GHR: variants seen among roughly 807,000 people sequenced by gnomAD.
GHR encodes growth hormone receptor, also known as GH receptor.
Under a neutral mutation model 67.1 loss-of-function variants are expected in GHR, and 35 were observed. The observed-to-expected ratio is 0.52, with a 90% confidence interval of 0.40 to 0.69. The LOEUF (loss-of-function observed/expected upper bound fraction) is 0.69. Ranked by LOEUF, GHR falls within the 30% of genes least tolerant of loss-of-function variation. The probability of loss-of-function intolerance (pLI) is 0.00; values close to 1 mark genes in which losing one functional copy is unlikely to be tolerated. For missense variants in GHR, 792 were observed against 764.6 expected, an observed-to-expected ratio of 1.04 and a Z score of -0.42; for synonymous variants, 272 against 269.1, an observed-to-expected ratio of 1.01 and a Z score of -0.10.
At chr5:42,670,339 T>A (rs1462298048) in intron 3 of GHR, among the ~76,000 whole-genome samples, 1 of 152,106 alleles carries the variant, frequency 6.6e-6, no homozygotes, top group African/African-American at 2.4e-5. Context: ...TGAAATTAGA[T>A]CCTTATCTCA....
At chr5:42,486,564 T>C (rs142923740) in intron 1 of GHR, among the ~76,000 whole-genome samples, 1 of 152,168 alleles carries the variant, frequency 6.6e-6, no homozygotes, top group African/African-American at 2.4e-5. Context: ...GAAACCAAGT[T>C]TGGCCGGGCA....
chr5:42,556,715 A>AAGTGAATCAAGCTT lies in GHR; in HGVS notation c.-11-9143_-11-9130dup, dbSNP rs553895940. Among the ~76,000 whole-genome samples, 400 of 152,334 alleles carry AAGTGAATCAAGCTT rather than the reference A, an allele frequency of 2.6e-3. 1 individual carries two copies. The highest frequency in any genetic ancestry group is 4.3e-3 in the Non-Finnish European group (291 of 68,024). ...TGCATTGTGAATCCGTTAGTGCACCAAGTGAATCAAGCTTAGTGAGTTGAC... is the reference window on the plus strand; with the variant it reads ...TGCATTGTGAATCCGTTAGTGCACCAAGTGAATCAAGCTTAGTGAATCAAGCTTAGTGAGTTGAC... On this transcript the variant is annotated intron_variant, in intron 1 of 9. Coordinates refer to ENST00000230882, the MANE Select transcript of GHR (RefSeq NM_000163.5).
intron 3 of GHR, among the ~76,000 whole-genome samples, chr5:42,633,585 C>G (rs568175172): frequency 6.6e-6 from 1 of 152,232 alleles, no homozygotes; most frequent in South Asian, 2.1e-4. Flanking sequence ...CTATTTTTCC[C>G]TATTCCAAGC....
At chr5:42,433,550 A>G (rs1208161487) in intron 1 of GHR, among the ~76,000 whole-genome samples, 1 of 152,098 alleles carries the variant, frequency 6.6e-6, no homozygotes, top group Non-Finnish European at 1.5e-5. Flanking sequence ...AGGCAACACT[A>G]TTAATGTACA....
intron 2 of GHR, among the ~76,000 whole-genome samples, chr5:42,613,259 T>C (rs919005515): frequency 2.6e-5 from 4 of 152,114 alleles, no homozygotes; most frequent in African/African-American, 9.7e-5. Context: ...AGACAATGTG[T>C]TGGGTCCTCT....
chr5:42,556,862 C>T (rs149283692), intron 1 of GHR, among the ~76,000 whole-genome samples: 35 of 152,288 alleles, frequency 2.3e-4, no homozygotes, highest in Admixed American at 1.0e-3. Flanking sequence ...ATACCAATAT[C>T]GGAGTATGGC....
intron 1 of GHR, among the ~76,000 whole-genome samples, chr5:42,460,485 C>T (rs1744442113): frequency 6.6e-6 from 1 of 152,180 alleles, no homozygotes. Context: ...GCTTATCATA[C>T]TGCTGATCCA....
Position 42,688,936 on chromosome 5 carries a change from A to T in GHR, c.183A>T (p.Arg61=), listed in dbSNP as rs1240178851. The part of the protein sequence containing the change: ...PKFTKCRSPE[R]ETFSCHWTDE... ...TCACCAAGTGCCGTTCACCTGAGCG[A>T]GAGACTTTTTCATGCCACTGGACAG... Residue 61 remains arginine, a synonymous_variant, in exon 4 of 10, where the codon CGA becomes CGT. Transcript: ENST00000230882. 8 of 1,613,448 alleles carry T rather than the reference A, an allele frequency of 5.0e-6. No individual in the cohort carries two copies. The South Asian group carries it at 7.7e-5, about 16-fold the overall frequency.
intron 3 of GHR, among the ~76,000 whole-genome samples, chr5:42,669,346 A>G (rs1176960454): frequency 2.6e-5 from 4 of 152,234 alleles, no homozygotes; most frequent in Non-Finnish European, 5.9e-5. Context: ...ATGCAAAAGT[A>G]TATTATCATC....
chr5:42,493,000 G>C (rs903757098), intron 1 of GHR, among the ~76,000 whole-genome samples: 1 of 152,220 alleles, frequency 6.6e-6, no homozygotes, highest in Non-Finnish European at 1.5e-5. Context: ...ACAGGAATGT[G>C]TAATGGGAAG....
intron 6 of GHR, among the ~76,000 whole-genome samples, chr5:42,707,588 G>A (rs1758238954): frequency 6.6e-6 from 1 of 152,070 alleles, no homozygotes; most frequent in East Asian, 1.9e-4. Context: ...TAATCCATAA[G>A]CATGGAATGT....
At chr5:42,666,439 A>T (rs1755982004) in intron 3 of GHR, among the ~76,000 whole-genome samples, 1 of 152,176 alleles carries the variant, frequency 6.6e-6, no homozygotes, top group Admixed American at 6.5e-5. Flanking sequence ...TTTCCAGCAC[A>T]TCTCAACTGG....
intron 3 of GHR, among the ~76,000 whole-genome samples, chr5:42,688,215 C>T (rs536310915): frequency 6.6e-6 from 1 of 152,348 alleles, no homozygotes; most frequent in South Asian, 2.1e-4. Context: ...CCACATCCAC[C>T]TGATGTCATC....
At chr5:42,534,202 A>G (rs1748122864) in intron 1 of GHR, among the ~76,000 whole-genome samples, 1 of 138,384 alleles carries the variant, frequency 7.2e-6, no homozygotes, top group Non-Finnish European at 1.5e-5. Flanking sequence ...ACATGTGTAT[A>G]TATGTATATA....
chr5:42,448,060 C>T lies in GHR; in HGVS notation c.-12+24105C>T, dbSNP rs552641122. Among the ~76,000 whole-genome samples the T allele has an allele frequency of 8.5e-5, 13 of 152,186 alleles. No homozygotes were observed. The East Asian group carries it at 2.3e-3, about 27-fold the overall frequency. ...TACAAGCATGAGTCACCATGCCCCG[C>T]ACAAGTGTCTTTTTCATATAATGAC... On this transcript the variant is annotated intron_variant, in intron 1 of 9. Coordinates refer to ENST00000230882, the MANE Select transcript of GHR (RefSeq NM_000163.5).
chr5:42,708,474 A>G (rs894505451), intron 6 of GHR, among the ~76,000 whole-genome samples: 13 of 152,258 alleles, frequency 8.5e-5, no homozygotes, highest in African/African-American at 3.1e-4. Flanking sequence ...AACAAAATCA[A>G]TTTATTATTT....
chr5:42,694,736 G>A (rs967598400), intron 4 of GHR, among the ~76,000 whole-genome samples, 181 bp from the exon 5 acceptor site: 9 of 152,148 alleles, frequency 5.9e-5, no homozygotes, highest in African/African-American at 9.7e-5. Context: ...CGTAGCAGTC[G>A]TCAGACACTG....
chr5:42,492,116 A>T (rs2112197893), intron 1 of GHR, among the ~76,000 whole-genome samples: 1 of 152,326 alleles, frequency 6.6e-6, no homozygotes, highest in Admixed American at 6.5e-5. Context: ...AAGAAGGCAG[A>T]GTGCATAATG....
intron 1 of GHR, among the ~76,000 whole-genome samples, chr5:42,545,915 A>G (rs1289968392): frequency 2.6e-5 from 4 of 152,192 alleles, no homozygotes; most frequent in South Asian, 4.1e-4. Context: ...ACAAATTTCT[A>G]TCTGACAAAG....
Sources: gnomAD v4.1 joint callset for allele counts (sites outside exome capture counted in the v4.1 genomes callset) on GRCh38, gnomAD v4.1.1 for gene constraint, MANE v1.5 for transcripts, NCBI Gene and HGNC (gene_info 2026-07-23, HGNC 2026-07-21) for gene names.